Variants in SNRPN observed in about 807,000 individuals in gnomAD.
The protein encoded by SNRPN is small nuclear ribonucleoprotein-associated protein N.
SNRPN carries 7 observed loss-of-function variants against 25.2 expected under a neutral mutation model. The ratio of observed to expected loss-of-function variants is 0.28; its 90% CI spans 0.16 to 0.52. SNRPN has a LOEUF of 0.52. SNRPN is among the 20% of genes least tolerant of loss of function. The pLI, the probability that SNRPN is intolerant of heterozygous loss-of-function variation, is 0.96. For missense variants in SNRPN, 196 were observed against 322.5 expected (o/e 0.61, Z 3.00); for synonymous variants, 124 against 110.6 (o/e 1.12, Z -0.76).
chr15:24,967,808 GAA>G (rs35146696), intron 2 of SNRPN, 122 bp from the exon 3 acceptor site: 36,455 of 468,504 alleles, frequency 0.078, 1 homozygote, highest in East Asian at 0.12. Context: ...ACCCTGTCTG[GAA>G]AAAAAAAAAA....
chr15:24,973,649 C>T (rs2076724215), intron 3 of SNRPN, among the ~76,000 whole-genome samples: 1 of 152,194 alleles, frequency 6.6e-6, no homozygotes, highest in Non-Finnish European at 1.5e-5. Flanking sequence ...ATCCACCTGC[C>T]TTGGCCTCCC....
intron 3 of SNRPN, chr15:24,920,487 CAGA>C (rs1243655903): frequency 1.3e-5 from 2 of 152,036 alleles, no homozygotes; most frequent in Non-Finnish European, 2.9e-5. Flanking sequence ...TGGTTTGCGG[CAGA>C]AGAATCTGCA....
intron 2 of SNRPN, chr15:24,909,414 C>T: frequency 6.3e-7 from 1 of 1,595,814 alleles, no homozygotes; most frequent in Non-Finnish European, 8.5e-7. Context: ...CTTGGCTGAC[C>T]ATCAATGCTT....
chr15:24,978,537 G>A lies in SNRPN; in HGVS notation c.*93G>A. The A allele has an allele frequency of 9.2e-7, 1 of 1,090,722 alleles. No homozygotes were observed. Among genetic ancestry groups the A allele is most frequent in the Non-Finnish European group, 1.4e-6 (1 of 708,570 alleles). 67.6% of individuals were successfully genotyped at this position (1,090,722 alleles called of 1,614,324 possible). ...TGTGAGCTTTTTGTTCCCTCATTCT[G>A]CATTAATAATAGCTAATAATAAATG... On this transcript the variant is annotated 3_prime_UTR_variant, in exon 10 of 10. Coordinates refer to ENST00000390687, the MANE Select transcript of SNRPN (RefSeq NM_003097.6).
intron 3 of SNRPN, among the ~76,000 whole-genome samples, chr15:24,928,188 A>G (rs941029306): frequency 2.0e-5 from 3 of 152,168 alleles, no homozygotes; most frequent in Admixed American, 6.6e-5. Context: ...TCAAAAAACT[A>G]CAAATGGAAC....
intron 3 of SNRPN, among the ~76,000 whole-genome samples, chr15:24,920,765 T>G (rs1241883635): frequency 6.6e-6 from 1 of 151,692 alleles, no homozygotes; most frequent in Non-Finnish European, 1.5e-5. Flanking sequence ...GAATCACATG[T>G]TAACAATTCT....
intron 2 of SNRPN, among the ~76,000 whole-genome samples, chr15:24,889,230 A>G (rs567161561): frequency 6.6e-6 from 1 of 150,874 alleles, no homozygotes; most frequent in Non-Finnish European, 1.5e-5. Context: ...GAAGTTTCTT[A>G]TACTAGAAGA....
chr15:24,826,142 T>G (rs17178750), intron 1 of SNRPN, among the ~76,000 whole-genome samples: 22,613 of 152,076 alleles, frequency 0.15, 1,886 homozygotes, highest in Non-Finnish European at 0.19. Flanking sequence ...TGTCCTTCCC[T>G]TTTTCTCCTG....
intron 1 of SNRPN, among the ~76,000 whole-genome samples, chr15:24,956,826 T>C (rs1433969785): frequency 1.3e-5 from 2 of 152,142 alleles, no homozygotes; most frequent in Non-Finnish European, 1.5e-5. Flanking sequence ...TTGTACCACC[T>C]CCGCCTGTGT....
At position 24,974,371 on chromosome 15, in the gene SNRPN, A is replaced by T; in HGVS notation, c.-83A>T. 1 of 1,324,094 alleles carries T rather than the reference A, an allele frequency of 7.6e-7. No homozygotes were observed. Among genetic ancestry groups the T allele is most frequent in the Non-Finnish European group, 1.1e-6 (1 of 915,570 alleles). The allele number at this position is 1,324,094 out of a possible 1,614,324, so 82.0% of individuals were successfully genotyped here. On this transcript the variant is annotated 5_prime_UTR_variant, in exon 4 of 10. Transcript: ENST00000390687. Reference sequence around the variant, plus strand: ...CATTGTTTCTAGGAGAACCTGCGTCATACCTTTATCTATAGCCTTCCCCTA... The same window carrying T: ...CATTGTTTCTAGGAGAACCTGCGTCTTACCTTTATCTATAGCCTTCCCCTA...
At position 24,830,283 on chromosome 15, in the gene SNRPN, G is replaced by A. The variant is rs113678984; in HGVS notation, c.-579+378G>A. ...TTGATCATTTCTGAAGATTTGTGTC[G>A]CCTGAATTCAGTGGGGGTCACCTCT... On this transcript the variant is annotated intron_variant, in intron 2 of 12. Transcript: ENST00000400100. 1.8e-4 allele frequency among the ~76,000 whole-genome samples: 28 copies of A among 152,010 alleles called. 1 individual carries two copies. Among genetic ancestry groups the A allele is most frequent in the African/African-American group, 4.8e-4 (20 of 41,396 alleles).
chr15:24,967,975 G>A lies in SNRPN; in HGVS notation c.-251G>A, dbSNP rs764282322. ...GCGTTCTCAGCAGCAGCAAGTACCT[G>A]TGGTGGATTTCCAGGCTGAACTGAG... On this transcript the variant is annotated 5_prime_UTR_variant, in exon 3 of 10. The change creates a new upstream start codon in the 5' untranslated region. Coordinates refer to ENST00000390687, the MANE Select transcript of SNRPN (RefSeq NM_003097.6). 14 of 1,614,028 alleles carry A rather than the reference G, an allele frequency of 8.7e-6. No individual in the cohort carries two copies. The East Asian group carries it at 2.9e-4, about 33-fold the overall frequency.
chr15:24,972,848 G>A (rs532625640), intron 3 of SNRPN, among the ~76,000 whole-genome samples: 2 of 151,974 alleles, frequency 1.3e-5, no homozygotes, highest in African/African-American at 4.8e-5. Context: ...AGTCCCTTAA[G>A]ATTACAAAAC....
intron 1 of SNRPN, among the ~76,000 whole-genome samples, chr15:24,880,575 C>T (rs1566862374): frequency 6.6e-6 from 1 of 152,080 alleles, no homozygotes. Context: ...TAGCTATATT[C>T]AGTAGGAGAG....
intron 3 of SNRPN, among the ~76,000 whole-genome samples, chr15:24,970,080 A>C (rs2076208067): frequency 6.6e-6 from 1 of 152,346 alleles, no homozygotes; most frequent in Admixed American, 6.5e-5. Context: ...ATAGAAGGTG[A>C]TAAAGAATAG....
intron 6 of SNRPN, 108 bp from the exon 7 acceptor site, chr15:24,976,769 T>G: frequency 9.5e-6 from 9 of 948,940 alleles, no homozygotes; most frequent in Non-Finnish European, 1.5e-5. Flanking sequence ...AGAACTAATA[T>G]GAGATAGGTG....
chr15:24,974,752 T>C, intron 4 of SNRPN: 1 of 610,274 alleles, frequency 1.6e-6, no homozygotes, highest in Non-Finnish European at 2.9e-6. Context: ...AGAAACAGGG[T>C]TTCACTGTGT....
chr15:24,939,050 A>G (rs1221566512), intron 3 of SNRPN, among the ~76,000 whole-genome samples: 1 of 152,198 alleles, frequency 6.6e-6, no homozygotes, highest in Admixed American at 6.5e-5. Flanking sequence ...AGTTAATATA[A>G]TTGGCTTGGT....
intron 3 of SNRPN, among the ~76,000 whole-genome samples, chr15:24,923,409 T>G (rs1283255161): frequency 6.6e-6 from 1 of 152,198 alleles, no homozygotes; most frequent in African/African-American, 2.4e-5. Context: ...ACCACTTTGG[T>G]AAACTACCTG....
Sources: gnomAD v4.1 joint callset for allele counts (sites outside exome capture counted in the v4.1 genomes callset) on GRCh38, gnomAD v4.1.1 for gene constraint, MANE v1.5 for transcripts, NCBI Gene and HGNC (gene_info 2026-07-23, HGNC 2026-07-21) for gene names.